The following COL4A6 variants were observed in gnomAD, a reference collection of about 807,000 sequenced individuals.
The protein encoded by COL4A6 is collagen type IV alpha 6 chain.
A neutral mutation model predicts 126.7 loss-of-function variants in COL4A6; 59 were observed. The ratio of observed to expected loss-of-function variants is 0.47; its 90% CI spans 0.38 to 0.58. The LOEUF (loss-of-function observed/expected upper bound fraction) is 0.58. Among genes scored for constraint, COL4A6 ranks in the 20% least tolerant of loss-of-function variants. The pLI is 0.00. For synonymous variants in COL4A6, 547 were observed against 496.6 expected (o/e 1.10, Z -1.35); for missense variants, 1,285 against 1,337.3 (o/e 0.96, Z 0.61).
Position 108,161,686 on chromosome X carries a change from G to T in COL4A6, c.4266C>A (p.Leu1422=), listed in dbSNP as rs1439012582. The T allele has an allele frequency of 2.5e-6, 3 of 1,205,017 alleles. No homozygotes were observed. Among genetic ancestry groups the T allele is most frequent in the East Asian group, 3.0e-5 (1 of 33,559 alleles). ...GIPGKDGPSG[L]PGPPGALGDP... ...CACCAAGAGCCCCAGGTGGGCCTGG[G>T]AGCCCACTGGGGCCATCTTTACCGG... The change falls in exon 42 of 45, where the codon CTC becomes CTA. Residue 1422 remains leucine, a synonymous_variant. Coordinates refer to ENST00000334504, the MANE Select transcript of COL4A6 (RefSeq NM_033641.4).
rs1210634822 is a variant in COL4A6 at position 108,351,438 on chromosome X, C to CTG, written c.64-40611_64-40610insCA. On this transcript the variant is annotated intron_variant, in intron 2 of 44. Coordinates refer to ENST00000334504, the MANE Select transcript of COL4A6 (RefSeq NM_033641.4). Reference sequence around the variant, plus strand: ...GTATTAAAAAAGGAGGTAACTCTCTCTCTCTGTGTGTGTGTGTGTGTGTGT... The same window carrying CTG: ...GTATTAAAAAAGGAGGTAACTCTCTCTGTCTCTGTGTGTGTGTGTGTGTGTGT... Among the ~76,000 whole-genome samples, 522 of 81,473 alleles carry CTG rather than the reference C, an allele frequency of 6.4e-3. 2 individuals are homozygous for CTG. The highest frequency in any genetic ancestry group is 0.023 in the African/African-American group (475 of 20,237). The allele number at this position is 81,473 out of a possible 115,157, so 70.7% of individuals were successfully genotyped here.
chrX:108,298,784 G>C (rs1480680703), intron 3 of COL4A6, among the ~76,000 whole-genome samples: 2 of 109,573 alleles, frequency 1.8e-5, no homozygotes, highest in Non-Finnish European at 3.8e-5. Context: ...GCCTCCAAGG[G>C]ACCTTGGAGG....
intron 3 of COL4A6, among the ~76,000 whole-genome samples, chrX:108,281,314 A>G (rs2037816287): frequency 1.1e-5 from 1 of 88,353 alleles, no homozygotes; most frequent in South Asian, 6.4e-4. Context: ...ATACAAAATC[A>G]ATGTACAAAA....
In COL4A6 at chrX:108,194,327, T is replaced by C. The variant is rs192100011; in HGVS notation, c.1002+207A>G. ...GGATGAACTTGCTCCCACCAGCTCC[T>C]GCCCCTTAGTTTACCACTGATCAAG... On this transcript the variant is annotated intron_variant, in intron 16 of 44. Transcript: ENST00000334504. Among the ~76,000 whole-genome samples, 493 of 112,507 alleles carry C rather than the reference T, an allele frequency of 4.4e-3. 1 individual carries two copies. The highest frequency in any genetic ancestry group is 6.9e-3 in the Non-Finnish European group (370 of 53,321).
At chrX:108,369,712 T>C (rs1183235645) in intron 2 of COL4A6, among the ~76,000 whole-genome samples, 1 of 112,229 alleles carries the variant, frequency 8.9e-6, no homozygotes, top group Non-Finnish European at 1.9e-5. Context: ...AGTACGCATA[T>C]CACAGATTGT....
intron 2 of COL4A6, among the ~76,000 whole-genome samples, chrX:108,404,603 T>G (rs1332020831): frequency 2.7e-5 from 3 of 112,112 alleles, no homozygotes; most frequent in Admixed American, 9.5e-5. Context: ...CAAAAGTCTA[T>G]TGGAGAACAA....
intron 14 of COL4A6, 127 bp from the exon 15 acceptor site, chrX:108,195,253 G>T: frequency 4.3e-6 from 2 of 459,905 alleles, no homozygotes; most frequent in Non-Finnish European, 7.4e-6. Context: ...GTAAGCGAAT[G>T]TTCCTAGACC....
At chrX:108,337,993 A>G (rs891182516) in intron 2 of COL4A6, among the ~76,000 whole-genome samples, 6 of 110,985 alleles carry the variant, frequency 5.4e-5, no homozygotes, top group Admixed American at 4.8e-4. Context: ...TGTAATTATG[A>G]CCTAAGAAGT....
At chrX:108,337,767 A>G (rs191948304) in intron 2 of COL4A6, among the ~76,000 whole-genome samples, 1 of 112,443 alleles carries the variant, frequency 8.9e-6, no homozygotes, top group Non-Finnish European at 1.9e-5. Context: ...TAAGCACTTA[A>G]TACATGTTAG....
intron 6 of COL4A6, 129 bp from the exon 7 acceptor site, chrX:108,211,869 G>A: frequency 1.6e-6 from 1 of 618,082 alleles, no homozygotes; most frequent in Non-Finnish European, 2.6e-6. Flanking sequence ...TGGCAAAATT[G>A]GCTGTACTAA....
At chrX:108,248,554 C>T in intron 3 of COL4A6, among the ~76,000 whole-genome samples, 1 of 110,873 alleles carries the variant, frequency 9.0e-6, no homozygotes, top group East Asian at 2.8e-4. Flanking sequence ...TCTGACTGAT[C>T]CACCTGCTAC....
intron 3 of COL4A6, among the ~76,000 whole-genome samples, chrX:108,243,072 C>A (rs764646819): frequency 9.0e-6 from 1 of 111,278 alleles, no homozygotes; most frequent in South Asian, 3.9e-4. Context: ...TCTGATTCAG[C>A]GGGAGGCTCA....
chrX:108,423,015 T>C (rs1435108364), intron 2 of COL4A6, among the ~76,000 whole-genome samples: 1 of 112,196 alleles, frequency 8.9e-6, no homozygotes, highest in Non-Finnish European at 1.9e-5. Context: ...TTCACTAAGA[T>C]ATAAAACTGA....
chrX:108,333,343 A>T (rs1179452405), intron 2 of COL4A6, among the ~76,000 whole-genome samples: 1 of 111,893 alleles, frequency 8.9e-6, no homozygotes. Context: ...AGATGCAGAA[A>T]AAACATTCGA....
At chrX:108,420,953 G>A (rs900268237) in intron 2 of COL4A6, among the ~76,000 whole-genome samples, 4 of 111,710 alleles carry the variant, frequency 3.6e-5, no homozygotes, top group East Asian at 2.8e-4. Context: ...AAAAGTGACC[G>A]GGCCAACAAT....
rs745969449 is a variant in COL4A6, at chrX:108,377,941, C to CAAAAAAAAA, written c.63+59992_63+60000dup. On this transcript the variant is annotated intron_variant, in intron 2 of 44. Transcript: ENST00000334504. ...TGGGCGACAGAGCAAGACTCCGTCT[C>CAAAAAAAAA]AAAAAAAAAAAAAAAAAAAAAAAAA... 4.3e-3 allele frequency among the ~76,000 whole-genome samples: 31 copies of CAAAAAAAAA among 7,248 alleles called. 6 individuals carry two copies. Among genetic ancestry groups the CAAAAAAAAA allele is most frequent in the African/African-American group, 0.012 (30 of 2,606 alleles). The allele number at this position is 7,248 out of a possible 115,157, so 6.3% of individuals were successfully genotyped here.
At chrX:108,292,953 GAAAA>G (rs1299619024) in intron 3 of COL4A6, among the ~76,000 whole-genome samples, 1 of 13,282 alleles carries the variant, frequency 7.5e-5, no homozygotes, top group Non-Finnish European at 1.6e-4. Context: ...CGTCTCTTAG[GAAAA>G]AAAAAAAAAA....
At chrX:108,160,042 C>A (rs1483258728) in intron 43 of COL4A6, among the ~76,000 whole-genome samples, 1 of 112,514 alleles carries the variant, frequency 8.9e-6, no homozygotes, top group East Asian at 2.8e-4. Flanking sequence ...ATTTAGCACA[C>A]CTGCAGACAA....
At chrX:108,320,390 G>T (rs1379971639) in intron 2 of COL4A6, among the ~76,000 whole-genome samples, 1 of 111,423 alleles carries the variant, frequency 9.0e-6, no homozygotes. Flanking sequence ...TTTAATCAAG[G>T]TTGGGGTCTG....
Sources: gnomAD v4.1 joint callset for allele counts (sites outside exome capture counted in the v4.1 genomes callset) on GRCh38, gnomAD v4.1.1 for gene constraint, MANE v1.5 for transcripts, NCBI Gene and HGNC (gene_info 2026-07-23, HGNC 2026-07-21) for gene names.